EFCAB8: variants seen among roughly 807,000 people sequenced by gnomAD.
The protein encoded by EFCAB8 is EF-hand calcium-binding domain-containing protein 8.
EFCAB8 carries 100 observed loss-of-function variants against 116.3 expected under a neutral mutation model. The ratio of observed to expected loss-of-function variants is 0.86; its 90% CI spans 0.73 to 1.02. The LOEUF (loss-of-function observed/expected upper bound fraction) is 1.02. Ranked by LOEUF, EFCAB8 falls within the 50% of genes least tolerant of loss-of-function variation. EFCAB8 has a pLI of 0.00. For synonymous variants in EFCAB8, 558 were observed against 567.9 expected, an observed-to-expected ratio of 0.98 and a Z score of 0.25; for missense variants, 1,320 against 1,416.9, an observed-to-expected ratio of 0.93 and a Z score of 1.10.
chr20:32,920,143 C>T lies in EFCAB8; in HGVS notation c.2340C>T (p.Tyr780=). The T allele has an allele frequency of 1.3e-6, 2 of 1,551,682 alleles. No homozygotes were observed. Among genetic ancestry groups the T allele is most frequent in the African/African-American group, 1.4e-5 (1 of 73,146 alleles). The change falls in exon 20 of 27, where the codon TAC becomes TAT. Residue 780 remains tyrosine, a synonymous_variant. Transcript: ENST00000400522. The part of the protein sequence containing the change: ...SSKIHSKQSI[Y]KEDETRKGEW... ...AGATCCACAGCAAACAGTCCATTTACAAAGAGGATGAAACGAGAAAAGGAG... is the reference window on the plus strand; with the variant it reads ...AGATCCACAGCAAACAGTCCATTTATAAAGAGGATGAAACGAGAAAAGGAG...
At chr20:32,950,508 C>T (rs1191495671) in intron 23 of EFCAB8, among the ~76,000 whole-genome samples, 1 of 152,068 alleles carries the variant, frequency 6.6e-6, no homozygotes, top group Non-Finnish European at 1.5e-5. Flanking sequence ...TAGGTTAGAG[C>T]CACACTCTCT....
chr20:32,898,697 T>C (rs1600398866), intron 11 of EFCAB8, 74 bp downstream of exon 11: 5 of 690,632 alleles, frequency 7.2e-6, no homozygotes, highest in South Asian at 6.2e-5. Context: ...CCATGGGGGC[T>C]GACAGTGGCA....
Position 32,908,288 on chromosome 20 carries a change from G to A in EFCAB8, c.1322G>A (p.Trp441Ter), listed in dbSNP as rs957113380. ...SVSKDKNIRV[W>*]DMLDYICLQS... The stretch of plus-strand genomic sequence containing the variant: ...CCCATCCCCCAGAATATTCGCGTGT[G>A]GGACATGCTGGACTACATATGCCTC... Residue 441 changes from tryptophan to a stop codon, truncating the protein, a stop_gained, in exon 14 of 27, where the codon TGG becomes TAG. Coordinates refer to ENST00000400522, the MANE Select transcript of EFCAB8 (RefSeq NM_001143967.2). LOFTEE classifies it high-confidence loss of function. 175 of 1,249,728 alleles carry A rather than the reference G, an allele frequency of 1.4e-4. No individual in the cohort carries two copies. The highest frequency in any genetic ancestry group is 1.6e-4 in the Non-Finnish European group (161 of 988,256). 77.4% of individuals were successfully genotyped at this position (1,249,728 alleles called of 1,614,324 possible).
At chr20:32,913,698 A>C (rs1218618281) in intron 17 of EFCAB8, among the ~76,000 whole-genome samples, 1 of 123,838 alleles carries the variant, frequency 8.1e-6, no homozygotes, top group Admixed American at 7.3e-5. Context: ...CTAGCTGTGA[A>C]CCTGTGATGC....
intron 11 of EFCAB8, among the ~76,000 whole-genome samples, chr20:32,899,358 T>C (rs988658066): frequency 8.0e-5 from 12 of 149,804 alleles, no homozygotes; most frequent in Middle Eastern, 3.4e-3. Flanking sequence ...TGAGCCGAGA[T>C]TGCGCCACTG....
intron 13 of EFCAB8, 141 bp downstream of exon 13, chr20:32,907,135 G>T (rs527738968): frequency 9.8e-6 from 14 of 1,422,552 alleles, no homozygotes; most frequent in Non-Finnish European, 1.3e-5. Flanking sequence ...GGAAGGTGAG[G>T]GTGGCCATGG....
chr20:32,879,694 C>T (rs773637072), intron 5 of EFCAB8, among the ~76,000 whole-genome samples: 4 of 152,054 alleles, frequency 2.6e-5, no homozygotes, highest in Non-Finnish European at 2.9e-5. Flanking sequence ...TAATACATGG[C>T]GGAAATAGCA....
chr20:32,958,517 G>C lies in EFCAB8; in HGVS notation c.3056G>C (p.Gly1019Ala), dbSNP rs1989042938. 2.4e-6 allele frequency: 1 copy of C among 416,646 alleles called. No homozygotes were observed. The highest frequency in any genetic ancestry group is 2.0e-5 in the African/African-American group (1 of 48,794). The allele number at this position is 416,646 out of a possible 1,614,324, so 25.8% of individuals were successfully genotyped here. A position where few individuals can be genotyped will look rare whatever the true frequency, so the allele number is the denominator to read the frequency against. The change falls in exon 24 of 27, where the codon GGC becomes GCC. Residue 1019 changes from glycine (G) to alanine (A), a missense_variant. Physicochemically the swap from Gly to Ala is moderately conservative, Grantham distance 60 (BLOSUM62 0). Transcript: ENST00000400522. The stretch of plus-strand genomic sequence containing the variant: ...TTAGAGGAAGATGGTGACTCCACTG[G>C]CACCACCCAGAAGGTCTTACATCTG... ...ASLEEDGDST[G>A]TTQKVLHLEL...
At chr20:32,951,339 A>G (rs1988794128) in intron 23 of EFCAB8, among the ~76,000 whole-genome samples, 1 of 152,274 alleles carries the variant, frequency 6.6e-6, no homozygotes, top group Non-Finnish European at 1.5e-5. Context: ...ACTCAGCAAT[A>G]AAACAGAATG....
intron 20 of EFCAB8, 48 bp from the exon 21 acceptor site, chr20:32,930,350 G>A (rs1987846491): frequency 6.7e-7 from 1 of 1,500,110 alleles, no homozygotes; most frequent in Non-Finnish European, 9.0e-7. Context: ...AGCACCATGT[G>A]ACAGTGGCTC....
At chr20:32,913,174 A>G (rs1987022774) in intron 17 of EFCAB8, among the ~76,000 whole-genome samples, 1 of 152,180 alleles carries the variant, frequency 6.6e-6, no homozygotes, top group South Asian at 2.1e-4. Context: ...AGAATATCAT[A>G]GACTGAGTTG....
chr20:32,932,736 CAAAAGTGAA>C (rs1987955311), intron 22 of EFCAB8, among the ~76,000 whole-genome samples: 1 of 152,130 alleles, frequency 6.6e-6, no homozygotes, highest in Non-Finnish European at 1.5e-5. Context: ...AAATCTTACA[CAAAAGTGAA>C]TAGTGAATGT....
chr20:32,892,143 C>A, intron 7 of EFCAB8, 70 bp from the exon 8 acceptor site: 1 of 1,330,908 alleles, frequency 7.5e-7, no homozygotes, highest in Non-Finnish European at 1.1e-6. Context: ...AGCAATGAGG[C>A]TGCTCACTGT....
rs1985135135 is a variant in EFCAB8, at chr20:32,878,647, G to A, written c.328-57G>A. On this transcript the variant is annotated intron_variant, in intron 4 of 26. Transcript: ENST00000400522. ...ATTCTCCTGCCGAGTTCTTGAAACTGAAGGCTGAGACCATTTTGCCAATAC... is the reference window on the plus strand; with the variant it reads ...ATTCTCCTGCCGAGTTCTTGAAACTAAAGGCTGAGACCATTTTGCCAATAC... 3 of 1,406,346 alleles carry A rather than the reference G, an allele frequency of 2.1e-6. No homozygotes were observed. In the East Asian group the frequency reaches 7.5e-5, roughly 35 times the overall value. 87.1% of individuals were successfully genotyped at this position (1,406,346 alleles called of 1,614,324 possible). A position where few individuals can be genotyped will look rare whatever the true frequency, so the allele number is the denominator to read the frequency against.
At chr20:32,862,513 T>C (rs1445696375) in intron 1 of EFCAB8, among the ~76,000 whole-genome samples, 2 of 152,212 alleles carry the variant, frequency 1.3e-5, no homozygotes, top group East Asian at 3.8e-4. Context: ...TCTCCTTCCC[T>C]TAGGCTGTCC....
At chr20:32,910,217 C>T (rs1986858675) in intron 15 of EFCAB8, among the ~76,000 whole-genome samples, 1 of 152,176 alleles carries the variant, frequency 6.6e-6, no homozygotes, top group African/African-American at 2.4e-5. Flanking sequence ...CTGGACTGGG[C>T]CTTCTTGATG....
At chr20:32,893,871 G>A (rs1377062245) in intron 9 of EFCAB8, among the ~76,000 whole-genome samples, 6 of 152,132 alleles carry the variant, frequency 3.9e-5, no homozygotes, top group Non-Finnish European at 8.8e-5. Flanking sequence ...GGGAGGAGCC[G>A]CTGCTGCAGC....
At chr20:32,957,392 C>A (rs562743413) in intron 23 of EFCAB8, among the ~76,000 whole-genome samples, 1 of 152,178 alleles carries the variant, frequency 6.6e-6, no homozygotes, top group East Asian at 1.9e-4. Flanking sequence ...ATTATTTCCC[C>A]CAGAGCATTT....
At chr20:32,863,058 C>T (rs1283392737) in intron 1 of EFCAB8, among the ~76,000 whole-genome samples, 1 of 151,808 alleles carries the variant, frequency 6.6e-6, no homozygotes, top group African/African-American at 2.4e-5. Flanking sequence ...TCCCCTCTGC[C>T]TCCAGGACCC....
Sources: gnomAD v4.1 joint callset for allele counts (sites outside exome capture counted in the v4.1 genomes callset) on GRCh38, gnomAD v4.1.1 for gene constraint, MANE v1.5 for transcripts, NCBI Gene and HGNC (gene_info 2026-07-23, HGNC 2026-07-21) for gene names.